Variants in MAML3 observed in about 807,000 individuals in gnomAD.
MAML3 encodes the protein mastermind like transcriptional coactivator 3.
MAML3 carries 27 observed loss-of-function variants against 101.9 expected under a neutral mutation model. The ratio of observed to expected loss-of-function variants is 0.27; its 90% confidence interval spans 0.20 to 0.37. The LOEUF (loss-of-function observed/expected upper bound fraction) is 0.37, where lower values mean the gene tolerates loss of function less well. MAML3 is among the 10% of genes least tolerant of loss of function. The probability of loss-of-function intolerance (pLI) is 1.00; values close to 1 mark genes in which losing one functional copy is unlikely to be tolerated. For synonymous variants in MAML3, 501 were observed against 555.9 expected (o/e 0.90, Z 1.39); for missense variants, 1,316 against 1,444.9 (o/e 0.91, Z 1.45).
At chr4:140,146,644 A>G (rs1272502721) in intron 1 of MAML3, among the ~76,000 whole-genome samples, 3 of 152,246 alleles carry the variant, frequency 2.0e-5, no homozygotes, top group African/African-American at 7.2e-5. Context: ...TGTAATAAAA[A>G]TTTAATTTGT....
At chr4:140,080,071 G>A (rs1727839146) in intron 1 of MAML3, among the ~76,000 whole-genome samples, 1 of 152,216 alleles carries the variant, frequency 6.6e-6, no homozygotes, top group African/African-American at 2.4e-5. Flanking sequence ...AATACGGAGT[G>A]TATGGCAGTT....
Position 140,071,755 on chromosome 4 carries a change from T to TAGAGAGAGAGAGAGAGAGAG in MAML3, c.468+81085_468+81104dup, listed in dbSNP as rs11268401. ...CTTATAATTTTACAGGGACCAGGAT[T>TAGAGAGAGAGAGAGAGAGAG]AGAGAGAGAGAGAGAGAGAGAGAGA... On this transcript the variant is annotated intron_variant, in intron 1 of 4. Coordinates refer to ENST00000509479, the MANE Select transcript of MAML3 (RefSeq NM_018717.5). Among the ~76,000 whole-genome samples the TAGAGAGAGAGAGAGAGAGAG allele has an allele frequency of 2.3e-3, 320 of 137,316 alleles. 1 individual carries two copies. Among genetic ancestry groups the TAGAGAGAGAGAGAGAGAGAG allele is most frequent in the Admixed American group, 3.1e-3 (41 of 13,088 alleles). The allele number at this position is 137,316 out of a possible 152,430, so 90.1% of individuals were successfully genotyped here. A position where few individuals can be genotyped will look rare whatever the true frequency, so the allele number is the denominator to read the frequency against.
At chr4:140,084,340 T>G (rs1296084217) in intron 1 of MAML3, among the ~76,000 whole-genome samples, 4 of 152,354 alleles carry the variant, frequency 2.6e-5, no homozygotes, top group African/African-American at 7.2e-5. Flanking sequence ...TACAAAACTC[T>G]TCTCAACTAT....
intron 2 of MAML3, among the ~76,000 whole-genome samples, chr4:139,808,869 G>A (rs1394662131): frequency 6.6e-6 from 1 of 152,186 alleles, no homozygotes; most frequent in African/African-American, 2.4e-5. Context: ...GAGACAAGGG[G>A]TGTGCGTGTG....
intron 1 of MAML3, among the ~76,000 whole-genome samples, chr4:139,955,629 G>T (rs1181299505): frequency 6.6e-6 from 1 of 152,078 alleles, no homozygotes; most frequent in Non-Finnish European, 1.5e-5. Flanking sequence ...ATTCCAAATG[G>T]GTCCCATGCA....
At chr4:139,755,153 A>G (rs891458847) in intron 2 of MAML3, among the ~76,000 whole-genome samples, 5 of 152,216 alleles carry the variant, frequency 3.3e-5, no homozygotes, top group Non-Finnish European at 2.9e-5. Context: ...ACCAATTCTT[A>G]TGAATGACAG....
chr4:139,923,881 C>T (rs898205420), intron 1 of MAML3, among the ~76,000 whole-genome samples: 2 of 152,042 alleles, frequency 1.3e-5, no homozygotes, highest in African/African-American at 2.4e-5. Context: ...AGGAAGAGAA[C>T]GTTGCAAAAG....
intron 1 of MAML3, among the ~76,000 whole-genome samples, chr4:140,121,543 T>C (rs1031794757): frequency 6.6e-6 from 1 of 152,230 alleles, no homozygotes. Flanking sequence ...TTCATTGTTA[T>C]ATACTAGCCA....
At chr4:139,949,014 T>C (rs1439013364) in intron 1 of MAML3, among the ~76,000 whole-genome samples, 1 of 152,074 alleles carries the variant, frequency 6.6e-6, no homozygotes, top group Admixed American at 6.6e-5. Context: ...TAGAAATTTT[T>C]TTTTTCTTTT....
Position 139,890,588 on chromosome 4 carries a change from G to A in MAML3, c.848C>T (p.Thr283Ile). 2 of 1,614,044 alleles carry A rather than the reference G, an allele frequency of 1.2e-6. No individual in the cohort carries two copies. Among genetic ancestry groups the A allele is most frequent in the Non-Finnish European group, 1.7e-6 (2 of 1,179,890 alleles). Reference protein sequence around the residue: ...DLKQEPLDDPTCIDTSETSLS... With the variant: ...DLKQEPLDDPICIDTSETSLS... ...AGATGTTTCTGATGTGTCTATGCAA[G>A]TAGGGTCATCGAGAGGTTCTTGTTT... Residue 283 changes from threonine (T) to isoleucine (I), a missense_variant, in exon 2 of 5, where the codon ACT (threonine) becomes ATT (isoleucine). Transcript: ENST00000509479. This position sits in a 1 kb window ranked among gnomAD's most constrained non-coding sequence, Gnocchi z 4.1.
chr4:140,067,364 A>C (rs1727556762), intron 1 of MAML3, among the ~76,000 whole-genome samples: 1 of 152,222 alleles, frequency 6.6e-6, no homozygotes, highest in South Asian at 2.1e-4. Flanking sequence ...AGAGTTTGCA[A>C]ATCTGTCACA....
chr4:139,760,164 G>A (rs146441043), intron 2 of MAML3, among the ~76,000 whole-genome samples: 32 of 152,284 alleles, frequency 2.1e-4, no homozygotes, highest in African/African-American at 6.0e-4. Context: ...TCTCTAACGG[G>A]GAGTGATAAG....
chr4:140,069,644 A>C (rs991357763), intron 1 of MAML3, among the ~76,000 whole-genome samples: 3 of 150,934 alleles, frequency 2.0e-5, no homozygotes, highest in African/African-American at 7.3e-5. Context: ...AAGAAGAAGA[A>C]GGAGGAGGAG....
chr4:140,020,277 ACT>A (rs1484984867), intron 1 of MAML3, among the ~76,000 whole-genome samples: 2 of 151,926 alleles, frequency 1.3e-5, no homozygotes, highest in African/African-American at 4.8e-5. Flanking sequence ...CAAACAAAAG[ACT>A]CTTTTTCTAG....
intron 1 of MAML3, among the ~76,000 whole-genome samples, chr4:139,899,513 G>A (rs551597732): frequency 8.6e-5 from 13 of 151,986 alleles, no homozygotes; most frequent in East Asian, 5.8e-4. Flanking sequence ...CTGTGTCTGC[G>A]TGTCGGGCTC....
At chr4:139,720,486 A>G (rs1728191147) in intron 4 of MAML3, among the ~76,000 whole-genome samples, 163 bp from the exon 5 acceptor site, 1 of 152,246 alleles carries the variant, frequency 6.6e-6, no homozygotes, top group Non-Finnish European at 1.5e-5. Context: ...TGATTATAGC[A>G]TATGCTGATT....
At chr4:139,957,633 C>T (rs925045089) in intron 1 of MAML3, among the ~76,000 whole-genome samples, 2 of 152,184 alleles carry the variant, frequency 1.3e-5, no homozygotes, top group Admixed American at 1.3e-4. Flanking sequence ...CAGTCCTGCA[C>T]ATCAAGCAAA....
At chr4:139,975,625 T>C (rs1437425962) in intron 1 of MAML3, among the ~76,000 whole-genome samples, 2 of 152,226 alleles carry the variant, frequency 1.3e-5, no homozygotes, top group Non-Finnish European at 2.9e-5. Context: ...TTGTCTGCTT[T>C]ATTCACTGCT....
At chr4:139,931,812 C>A (rs113979174) in intron 1 of MAML3, among the ~76,000 whole-genome samples, 6 of 151,756 alleles carry the variant, frequency 4.0e-5, no homozygotes, top group African/African-American at 1.5e-4. Context: ...GAGTTCAAGA[C>A]CAGCCTGACG....
Sources: allele counts gnomAD v4.1 joint callset (sites outside exome capture counted in the v4.1 genomes callset), GRCh38; gene constraint gnomAD v4.1.1; non-coding constraint Gnocchi (gnomAD v3.1); transcripts MANE v1.5; gene names NCBI Gene and HGNC (gene_info 2026-07-23, HGNC 2026-07-21).